RAB31: variants seen among roughly 807,000 people sequenced by gnomAD.
The protein encoded by RAB31 is ras-related protein Rab-31.
A neutral mutation model predicts 25.6 loss-of-function variants in RAB31; 21 were observed. The ratio of observed to expected loss-of-function variants is 0.82; its 90% CI spans 0.58 to 1.18. The LOEUF is 1.18. Among genes scored for constraint, RAB31 ranks in the 50% most tolerant of loss-of-function variants. The pLI, the probability that RAB31 is intolerant of heterozygous loss-of-function variation, is 0.00. For missense variants in RAB31, 196 were observed against 250.1 expected (o/e 0.78, Z 1.46); for synonymous variants, 87 against 84.0 (o/e 1.04, Z -0.20).
chr18:9,853,072 C>T (rs1054375092), intron 6 of RAB31, among the ~76,000 whole-genome samples: 4 of 152,156 alleles, frequency 2.6e-5, no homozygotes, highest in East Asian at 3.9e-4. Context: ...TGTAATGGGT[C>T]GTTTGTCTTC....
chr18:9,711,836 A>C (rs1385434011), intron 1 of RAB31, among the ~76,000 whole-genome samples: 6 of 151,908 alleles, frequency 3.9e-5, no homozygotes, highest in Non-Finnish European at 7.4e-5. Flanking sequence ...ACAAAATATC[A>C]CTCTCACTGG....
chr18:9,811,109 G>A (rs2143070191), intron 3 of RAB31, among the ~76,000 whole-genome samples: 1 of 152,342 alleles, frequency 6.6e-6, no homozygotes, highest in African/African-American at 2.4e-5. Flanking sequence ...GGCATGCATG[G>A]CAAATGTCGC....
chr18:9,834,432 A>G (rs2143113921), intron 5 of RAB31, among the ~76,000 whole-genome samples: 1 of 152,298 alleles, frequency 6.6e-6, no homozygotes, highest in Non-Finnish European at 1.5e-5. Context: ...GCAGCCTTTT[A>G]ATAAGGGACA....
At chr18:9,814,452 C>T (rs930970367) in intron 4 of RAB31, among the ~76,000 whole-genome samples, 10 of 152,096 alleles carry the variant, frequency 6.6e-5, no homozygotes, top group Non-Finnish European at 1.2e-4. Context: ...GCATAACATT[C>T]GTGTGTATGT....
At chr18:9,727,026 G>A (rs1477279934) in intron 1 of RAB31, among the ~76,000 whole-genome samples, 1 of 151,900 alleles carries the variant, frequency 6.6e-6, no homozygotes, top group Non-Finnish European at 1.5e-5. Context: ...TTTTTTTTAG[G>A]TACTTATACT....
At chr18:9,746,872 T>C (rs992615204) in intron 1 of RAB31, among the ~76,000 whole-genome samples, 11 of 152,210 alleles carry the variant, frequency 7.2e-5, no homozygotes, top group African/African-American at 2.7e-4. Flanking sequence ...AATGGATTCT[T>C]AGACATGAAA....
intron 1 of RAB31, among the ~76,000 whole-genome samples, chr18:9,722,032 A>G (rs1370924123): frequency 6.6e-6 from 1 of 152,116 alleles, no homozygotes; most frequent in African/African-American, 2.4e-5. Context: ...GTGCCTGGTG[A>G]GTCTGAGGAA....
chr18:9,731,713 A>G (rs1221669474), intron 1 of RAB31, among the ~76,000 whole-genome samples: 1 of 147,242 alleles, frequency 6.8e-6, no homozygotes, highest in Non-Finnish European at 1.5e-5. Context: ...CTCCTGCCTC[A>G]GCCTCCTGAG....
intron 3 of RAB31, among the ~76,000 whole-genome samples, chr18:9,792,699 G>T (rs1205639286): frequency 2.6e-5 from 4 of 152,104 alleles, no homozygotes; most frequent in Non-Finnish European, 4.4e-5. Flanking sequence ...CCTGCCTTAG[G>T]CCCCATGCCC....
At chr18:9,731,205 G>C (rs142191560) in intron 1 of RAB31, among the ~76,000 whole-genome samples, 2 of 151,992 alleles carry the variant, frequency 1.3e-5, no homozygotes, top group Non-Finnish European at 2.9e-5. Context: ...TTAGCTTCCC[G>C]AGTAGTTGGG....
chr18:9,776,329 G>A (rs2068372214), intron 2 of RAB31, among the ~76,000 whole-genome samples: 1 of 152,134 alleles, frequency 6.6e-6, no homozygotes, highest in Admixed American at 6.5e-5. Context: ...GTCTTTGTAG[G>A]CAATGTATGT....
chr18:9,829,772 G>T (rs1390089133), intron 5 of RAB31, among the ~76,000 whole-genome samples: 4 of 151,998 alleles, frequency 2.6e-5, no homozygotes, highest in East Asian at 3.9e-4. Flanking sequence ...CTATAAAGTT[G>T]TCATCTTTTT....
chr18:9,732,690 T>A (rs1035507011), intron 1 of RAB31, among the ~76,000 whole-genome samples: 1 of 152,160 alleles, frequency 6.6e-6, no homozygotes, highest in African/African-American at 2.4e-5. Flanking sequence ...CAGACAAATT[T>A]AAAAATTCCC....
chr18:9,715,142 C>A (rs1397489311), intron 1 of RAB31, among the ~76,000 whole-genome samples: 6 of 152,000 alleles, frequency 3.9e-5, no homozygotes, highest in Admixed American at 3.9e-4. Context: ...GGAGGTGTTG[C>A]ATGTATAGTG....
At chr18:9,744,750 C>T (rs2068196987) in intron 1 of RAB31, among the ~76,000 whole-genome samples, 1 of 151,966 alleles carries the variant, frequency 6.6e-6, no homozygotes, top group South Asian at 2.1e-4. Flanking sequence ...GAAGAAATTA[C>T]AATGGAAATT....
At chr18:9,773,342 G>C (rs1250085756) in intron 1 of RAB31, among the ~76,000 whole-genome samples, 1 of 152,052 alleles carries the variant, frequency 6.6e-6, no homozygotes, top group Non-Finnish European at 1.5e-5. Context: ...TTGATCTTTT[G>C]GCTTTCAAAT....
intron 5 of RAB31, among the ~76,000 whole-genome samples, chr18:9,843,804 A>G (rs1039700342): frequency 6.6e-5 from 10 of 152,176 alleles, no homozygotes; most frequent in African/African-American, 1.7e-4. Context: ...TTTGGCTGAG[A>G]GGCTGGGGCC....
At chr18:9,824,469 T>C (rs2068640337) in intron 5 of RAB31, among the ~76,000 whole-genome samples, 2 of 152,128 alleles carry the variant, frequency 1.3e-5, no homozygotes, top group Non-Finnish European at 1.5e-5. Flanking sequence ...TAGGTGTGTG[T>C]GTGTTGGTGG....
At position 9,708,317 on chromosome 18, in the gene RAB31, AG is replaced by A; in HGVS notation, c.-85del. 1.0e-6 allele frequency: 1 copy of A among 959,222 alleles called. No homozygotes were observed. The allele number at this position is 959,222 out of a possible 1,614,324, so 59.4% of individuals were successfully genotyped here. The stretch of plus-strand genomic sequence containing the variant: ...GTTCCGCCCGCGGGCGGCGCGAGCG[AG>A]GGGCAGAGGCGAGAGACGCCGGCGG... On this transcript the variant is annotated 5_prime_UTR_variant, in exon 1 of 7. Coordinates refer to ENST00000578921, the MANE Select transcript of RAB31 (RefSeq NM_006868.4). This position sits in a 1 kb window ranked among gnomAD's most constrained non-coding sequence, Gnocchi z 6.4.
Sources: allele counts gnomAD v4.1 joint callset (sites outside exome capture counted in the v4.1 genomes callset), GRCh38; gene constraint gnomAD v4.1.1; non-coding constraint Gnocchi (gnomAD v3.1); transcripts MANE v1.5; gene names NCBI Gene and HGNC (gene_info 2026-07-23, HGNC 2026-07-21).